The following FGFR1 variants were observed in gnomAD, a reference collection of about 807,000 sequenced individuals.
The protein encoded by FGFR1 is fibroblast growth factor receptor 1.
Under a neutral mutation model 93.7 loss-of-function variants are expected in FGFR1, and 18 were observed. The ratio of observed to expected loss-of-function variants is 0.19; its 90% CI spans 0.13 to 0.28. The LOEUF (loss-of-function observed/expected upper bound fraction) is 0.28. Ranked by LOEUF, FGFR1 falls within the 10% of genes least tolerant of loss-of-function variation. The pLI is 1.00. For missense variants in FGFR1, 731 were observed against 1,080.4 expected (o/e 0.68, Z 4.53); for synonymous variants, 448 against 429.3 (o/e 1.04, Z -0.54).
intron 2 of FGFR1, chr8:38,430,167 C>T (rs2150971042): frequency 1.7e-6 from 1 of 576,214 alleles, no homozygotes; most frequent in Middle Eastern, 4.6e-4. Context: ...CTCTTTTCCA[C>T]CCCACTCCTC....
At chr8:38,443,884 TG>T (rs1828401834) in intron 2 of FGFR1, among the ~76,000 whole-genome samples, 2 of 151,670 alleles carry the variant, frequency 1.3e-5, no homozygotes, top group African/African-American at 4.8e-5. Flanking sequence ...AGAAACCCCG[TG>T]TCTACTAAAA....
At position 38,419,951 on chromosome 8, in the gene FGFR1, A is replaced by G. The variant is rs887410759; in HGVS notation, c.1082-216T>C. Reference sequence around the variant, plus strand: ...CCTTCAATGGACTTGAGCCATGGAAAAGGGATGGCCTAGAACCATCGTGCT... The same window carrying G: ...CCTTCAATGGACTTGAGCCATGGAAGAGGGATGGCCTAGAACCATCGTGCT... On this transcript the variant is annotated intron_variant, in intron 8 of 17. Coordinates refer to ENST00000447712, the MANE Select transcript of FGFR1 (RefSeq NM_023110.3). The G allele has an allele frequency of 5.3e-5, 31 of 580,962 alleles. 1 individual carries two copies. The highest frequency in any genetic ancestry group is 9.2e-4 in the Middle Eastern group (2 of 2,172). The allele number at this position is 580,962 out of a possible 1,614,324, so 36.0% of individuals were successfully genotyped here.
At chr8:38,437,554 A>G (rs1825859454) in intron 2 of FGFR1, among the ~76,000 whole-genome samples, 2 of 152,144 alleles carry the variant, frequency 1.3e-5, no homozygotes, top group South Asian at 2.1e-4. Context: ...CGGGGAAGGG[A>G]AAAGAGAGGA....
intron 5 of FGFR1, 50 bp downstream of exon 5, chr8:38,427,871 C>T (rs374794968): frequency 2.7e-5 from 43 of 1,603,176 alleles, no homozygotes; most frequent in South Asian, 2.0e-4. Context: ...CTTCCTAACT[C>T]GGCCTCCCCT....
intron 7 of FGFR1, chr8:38,423,923 C>T (rs967846636): frequency 5.7e-6 from 1 of 176,348 alleles, no homozygotes; most frequent in Non-Finnish European, 1.2e-5. Context: ...CTTCCTGTTG[C>T]GAGATCCACT....
Position 38,411,266 on chromosome 8 carries a change from C to T in FGFR1, c.*2362G>A, listed in dbSNP as rs1814342962. On this transcript the variant is annotated 3_prime_UTR_variant, in exon 18 of 18. Coordinates refer to ENST00000447712, the MANE Select transcript of FGFR1 (RefSeq NM_023110.3). ...AGTGCCTTATATTTTTCTAGCACCT[C>T]TCCCAAGGACTTATGAAGACTTTTA... 1 of 209,410 alleles carries T rather than the reference C, an allele frequency of 4.8e-6. No individual in the cohort carries two copies. Among genetic ancestry groups the T allele is most frequent in the African/African-American group, 2.3e-5 (1 of 43,992 alleles). The allele number at this position is 209,410 out of a possible 1,614,324, so 13.0% of individuals were successfully genotyped here.
At chr8:38,439,859 T>C (rs1284347799) in intron 2 of FGFR1, among the ~76,000 whole-genome samples, 2 of 152,222 alleles carry the variant, frequency 1.3e-5, no homozygotes, top group East Asian at 1.9e-4. Context: ...TGTTCATGCC[T>C]GTGTCTTGCA....
At chr8:38,448,724 G>A (rs1271465519) in intron 2 of FGFR1, among the ~76,000 whole-genome samples, 1 of 152,182 alleles carries the variant, frequency 6.6e-6, no homozygotes, top group African/African-American at 2.4e-5. Flanking sequence ...GGAGGCTGAG[G>A]CGGGTGGATC....
At chr8:38,428,237 G>A (rs1821487691) in intron 4 of FGFR1, 109 bp downstream of exon 4, 1 of 1,465,754 alleles carries the variant, frequency 6.8e-7, no homozygotes, top group African/African-American at 1.4e-5. Flanking sequence ...AGCAGAACAG[G>A]CACCGTGACC....
At chr8:38,422,221 G>A in intron 7 of FGFR1, 2 of 494,574 alleles carry the variant, frequency 4.0e-6, no homozygotes, top group South Asian at 4.1e-5. Context: ...CGAGCATGCG[G>A]GCGGTGAGCG....
rs2150668265 is a variant in FGFR1, at chr8:38,418,208, G to C, written c.1430+20C>G. On this transcript the variant is annotated intron_variant, in intron 10 of 17. Coordinates refer to ENST00000447712, the MANE Select transcript of FGFR1 (RefSeq NM_023110.3). ...AAGCAAGGAATGCCTTCAAAAAGTT[G>C]GGAGTCAAAGTATTATTACCTGTCC... 1 of 1,614,122 alleles carries C rather than the reference G, an allele frequency of 6.2e-7. No homozygotes were observed. Among genetic ancestry groups the C allele is most frequent in the South Asian group, 1.1e-5 (1 of 91,072 alleles).
rs760116083 is a variant in FGFR1, at chr8:38,428,393, G to C, written c.401C>G (p.Ser134Cys). The part of the protein sequence containing the change: ...SSEDDDDDDD[S>C]SSEEKETDNT... The stretch of plus-strand genomic sequence containing the variant: ...ATCTGTTTCTTTCTCCTCTGAAGAG[G>C]AGTCATCATCATCATCATCATCCTC... Residue 134 changes from serine (S) to cysteine (C), a missense_variant, in exon 4 of 18, where the codon TCC (serine) becomes TGC (cysteine). Transcript: ENST00000447712. The C allele has an allele frequency of 6.2e-7, 1 of 1,614,004 alleles. No homozygotes were observed. The highest frequency in any genetic ancestry group is 8.5e-7 in the Non-Finnish European group (1 of 1,180,014).
chr8:38,442,538 G>A (rs1827880973), intron 2 of FGFR1, among the ~76,000 whole-genome samples: 1 of 152,040 alleles, frequency 6.6e-6, no homozygotes, highest in Non-Finnish European at 1.5e-5. Flanking sequence ...TAAGAGTGGG[G>A]GAGGGTGGAG....
At chr8:38,425,641 GC>G (rs1284703286) in intron 6 of FGFR1, among the ~76,000 whole-genome samples, 1 of 152,204 alleles carries the variant, frequency 6.6e-6, no homozygotes, top group Non-Finnish European at 1.5e-5. Context: ...CTCCTGTGAT[GC>G]CCTGAAGTTG....
intron 14 of FGFR1, 57 bp from the exon 15 acceptor site, chr8:38,414,686 G>A (rs1281270041): frequency 8.7e-6 from 14 of 1,613,468 alleles, no homozygotes; most frequent in Middle Eastern, 1.7e-4. Flanking sequence ...GAGGGCACAG[G>A]TGGGAAGGGA....
At chr8:38,425,217 T>G (rs1820318494) in intron 6 of FGFR1, among the ~76,000 whole-genome samples, 1 of 152,092 alleles carries the variant, frequency 6.6e-6, no homozygotes. Context: ...CATAGCTCAC[T>G]GCAGCTTCGA....
intron 7 of FGFR1, 68 bp from the exon 8 acceptor site, chr8:38,422,009 G>A (rs1818986996): frequency 1.9e-6 from 3 of 1,570,628 alleles, no homozygotes; most frequent in Admixed American, 3.4e-5. Flanking sequence ...CGCAGAGCAA[G>A]GGAAGGAGAC....
In FGFR1 at chr8:38,414,081, G is replaced by C. The variant is rs746292704; in HGVS notation, c.2187-58C>G. ...CTGGAGATGGATACTCTCTAGTCTA[G>C]CCCCCTGCCCCTCAAGCCCACTCTT... On this transcript the variant is annotated intron_variant, in intron 16 of 17. Coordinates refer to ENST00000447712, the MANE Select transcript of FGFR1 (RefSeq NM_023110.3). The C allele has an allele frequency of 5.0e-6, 8 of 1,613,754 alleles. No homozygotes were observed. In the South Asian group the frequency reaches 8.8e-5, roughly 18 times the overall value.
At chr8:38,430,537 A>G (rs1822611125) in intron 2 of FGFR1, 1 of 153,898 alleles carries the variant, frequency 6.5e-6, no homozygotes, top group African/African-American at 2.4e-5. Flanking sequence ...CGTCAGATGC[A>G]CATGCTGGGG....
Sources: allele counts gnomAD v4.1 joint callset (sites outside exome capture counted in the v4.1 genomes callset), GRCh38; gene constraint gnomAD v4.1.1; transcripts MANE v1.5; gene names NCBI Gene and HGNC (gene_info 2026-07-23, HGNC 2026-07-21).